Variants in TKTL1 observed in about 807,000 individuals in gnomAD.
TKTL1 encodes the protein transketolase like 1.
A neutral mutation model predicts 39.3 loss-of-function variants in TKTL1; 1 was observed. That is an observed-to-expected ratio of 0.03 (90% CI 0.01 to 0.12). The LOEUF (loss-of-function observed/expected upper bound fraction) is 0.12, where lower values mean the gene tolerates loss of function less well. Among genes scored for constraint, TKTL1 ranks in the 10% least tolerant of loss-of-function variants. The pLI is 1.00. For synonymous variants in TKTL1, 262 were observed against 193.8 expected (o/e 1.35, Z -2.92); for missense variants, 575 against 509.6 (o/e 1.13, Z -1.24).
At chrX:154,328,239 G>T (rs2067508379) in intron 12 of TKTL1, among the ~76,000 whole-genome samples, 1 of 110,387 alleles carries the variant, frequency 9.1e-6, no homozygotes, top group African/African-American at 3.3e-5. Context: ...CTTTGGGTTT[G>T]GAATGATGAA....
chrX:154,296,088 C>T (rs1250489416), intron 1 of TKTL1, 95 bp downstream of exon 1: 6 of 1,076,795 alleles, frequency 5.6e-6, no homozygotes, highest in South Asian at 4.2e-5. Flanking sequence ...AAGGGAGAGC[C>T]TTCAGAGGCA....
intron 1 of TKTL1, 120 bp from the exon 2 acceptor site, chrX:154,305,184 T>C: frequency 8.5e-7 from 1 of 1,178,292 alleles, no homozygotes; most frequent in African/African-American, 1.8e-5. Flanking sequence ...TCCTTACCCT[T>C]GGTTGGATTC....
chrX:154,325,573 C>T (rs954849488), intron 10 of TKTL1, 151 bp downstream of exon 10: 15 of 486,625 alleles, frequency 3.1e-5, no homozygotes, highest in Non-Finnish European at 4.4e-5. Context: ...ACCTGCTTTT[C>T]CTTGGGAAGG....
At chrX:154,307,503 A>G (rs1603352028) in intron 2 of TKTL1, among the ~76,000 whole-genome samples, 1 of 112,934 alleles carries the variant, frequency 8.9e-6, no homozygotes, top group Admixed American at 9.3e-5. Flanking sequence ...GCCCCGCAGC[A>G]TAAGGGTTCT....
Position 154,316,362 on chromosome X carries a change from G to A in TKTL1, c.1029+1025G>A, listed in dbSNP as rs782029381. On this transcript the variant is annotated intron_variant, in intron 7 of 12. Transcript: ENST00000369915. The stretch of plus-strand genomic sequence containing the variant: ...TGGGATTACAGACATGAGCCACCGC[G>A]CCCAGCCAGTATTTTAAATTTTTTA... Among the ~76,000 whole-genome samples, 24 of 111,090 alleles carry A rather than the reference G, an allele frequency of 2.2e-4. 1 individual carries two copies. In the South Asian group the frequency reaches 4.5e-3, roughly 21 times the overall value.
chrX:154,308,126 G>C (rs2067329669), intron 2 of TKTL1, among the ~76,000 whole-genome samples: 1 of 112,084 alleles, frequency 8.9e-6, no homozygotes, highest in Non-Finnish European at 1.9e-5. Context: ...TCAATAGATG[G>C]AGTGTCAGGT....
At position 154,327,695 on chromosome X, in the gene TKTL1, G is replaced by T. The variant is rs782144242; in HGVS notation, c.1498+8G>T. On this transcript the variant is annotated splice_region_variant and intron_variant, in intron 11 of 12. Transcript: ENST00000369915. ...ATGAGCTTTCGAAACAAGGTCAGTTGGTTGAGTATGAGCATTGAAGTTCAA... is the reference window on the plus strand; with the variant it reads ...ATGAGCTTTCGAAACAAGGTCAGTTTGTTGAGTATGAGCATTGAAGTTCAA... The T allele has an allele frequency of 8.3e-7, 1 of 1,206,923 alleles. No homozygotes were observed.
At chrX:154,306,658 A>T (rs1318787852) in intron 2 of TKTL1, among the ~76,000 whole-genome samples, 2 of 109,884 alleles carry the variant, frequency 1.8e-5, no homozygotes, top group Non-Finnish European at 3.8e-5. Context: ...TTTTTTGGGG[A>T]GGTAGAGTCT....
At chrX:154,321,152 G>A (rs1475726778) in intron 8 of TKTL1, among the ~76,000 whole-genome samples, 1 of 110,400 alleles carries the variant, frequency 9.1e-6, no homozygotes, top group Non-Finnish European at 1.9e-5. Context: ...TATCCCGAGT[G>A]CCCCTTGTGT....
chrX:154,298,086 G>A (rs1383481627), intron 1 of TKTL1, among the ~76,000 whole-genome samples: 1 of 111,415 alleles, frequency 9.0e-6, no homozygotes, highest in African/African-American at 3.3e-5. Flanking sequence ...GTTTTGTGAG[G>A]CTTTCTGTTT....
chrX:154,299,134 A>C (rs868962512), intron 1 of TKTL1, among the ~76,000 whole-genome samples: 1 of 75,136 alleles, frequency 1.3e-5, no homozygotes, highest in Admixed American at 1.4e-4. Context: ...GGGATTTTTC[A>C]TTTTCTTTTT....
chrX:154,320,595 G>A (rs1024098810), intron 7 of TKTL1, 162 bp from the exon 8 acceptor site: 64 of 530,195 alleles, frequency 1.2e-4, no homozygotes, highest in African/African-American at 1.1e-3. Flanking sequence ...AGGGACGGAC[G>A]GGTGCCCAGG....
intron 1 of TKTL1, among the ~76,000 whole-genome samples, chrX:154,299,897 C>T (rs2067259701): frequency 8.9e-6 from 1 of 111,860 alleles, no homozygotes; most frequent in Non-Finnish European, 1.9e-5. Context: ...TGCCTATAAA[C>T]ATGTGTGTGC....
chrX:154,296,191 G>C (rs1450955528), intron 1 of TKTL1, among the ~76,000 whole-genome samples, 198 bp downstream of exon 1: 1 of 111,195 alleles, frequency 9.0e-6, no homozygotes, highest in Non-Finnish European at 1.9e-5. Context: ...CCAACCCAAG[G>C]GTCGGTCGGT....
intron 1 of TKTL1, among the ~76,000 whole-genome samples, chrX:154,296,237 C>G (rs149977925): frequency 0.015 from 1,667 of 111,288 alleles, 20 homozygotes; most frequent in African/African-American, 0.052. Context: ...GCCCGCCCCT[C>G]AATTTACCCA....
At position 154,329,577 on chromosome X, in the gene TKTL1, G is replaced by T. The variant is rs782183294; in HGVS notation, c.1680G>T (p.Ser560=). The change falls in exon 13 of 13, where the codon TCG becomes TCT. Residue 560 remains serine (S), a synonymous_variant. Coordinates refer to ENST00000369915, the MANE Select transcript of TKTL1 (RefSeq NM_012253.4). ...VSMDPDIQVH[S]LAVSGVPQSG... ...TGGATCCTGACATTCAGGTTCATTC[G>T]CTGGCAGTGTCGGGAGTGCCCCAGA... 6.6e-6 allele frequency: 8 copies of T among 1,211,891 alleles called. No individual in the cohort carries two copies. The East Asian group carries it at 2.1e-4, about 31-fold the overall frequency.
chrX:154,322,326 G>GT (rs781790785), intron 8 of TKTL1, among the ~76,000 whole-genome samples: 1 of 108,411 alleles, frequency 9.2e-6, no homozygotes, highest in Non-Finnish European at 1.9e-5. Context: ...GTGGTCAGGA[G>GT]TTTGAGACCA....
chrX:154,311,320 G>A (rs1429289645), intron 5 of TKTL1, 82 bp downstream of exon 5: 82 of 1,150,282 alleles, frequency 7.1e-5, no homozygotes, highest in Non-Finnish European at 9.0e-5. Context: ...GCTTAGAGGG[G>A]CCTAGGCAGA....
intron 1 of TKTL1, among the ~76,000 whole-genome samples, chrX:154,299,904 G>A (rs907367620): frequency 3.6e-5 from 4 of 111,653 alleles, no homozygotes; most frequent in Non-Finnish European, 5.6e-5. Flanking sequence ...AAACATGTGT[G>A]TGCATGTACC....
Sources: allele counts gnomAD v4.1 joint callset (sites outside exome capture counted in the v4.1 genomes callset), GRCh38; gene constraint gnomAD v4.1.1; transcripts MANE v1.5; gene names NCBI Gene and HGNC (gene_info 2026-07-23, HGNC 2026-07-21).